Variants in C1orf21 observed in about 807,000 individuals in gnomAD.
C1orf21 encodes chromosome 1 open reading frame 21.
C1orf21 carries 3 observed loss-of-function variants against 18.7 expected under a neutral mutation model. That is an observed-to-expected ratio of 0.16 (90% CI 0.07 to 0.42). C1orf21 has a LOEUF of 0.42. Ranked by LOEUF, C1orf21 falls within the 10% of genes least tolerant of loss-of-function variation. The pLI is 0.99. For synonymous variants in C1orf21, 41 were observed against 46.4 expected (o/e 0.88, Z 0.47); for missense variants, 104 against 143.6 (o/e 0.72, Z 1.41).
Position 184,587,215 on chromosome 1 carries a change from G to A in C1orf21, c.190-3524G>A, listed in dbSNP as rs189197630. Among the ~76,000 whole-genome samples, 410 of 147,206 alleles carry A rather than the reference G, an allele frequency of 2.8e-3. 1 individual carries two copies. The highest frequency in any genetic ancestry group is 4.9e-3 in the Non-Finnish European group (328 of 67,374). On this transcript the variant is annotated intron_variant, in intron 3 of 5. Coordinates refer to ENST00000235307, the MANE Select transcript of C1orf21 (RefSeq NM_030806.4). ...GTAGCATAAAGTCAGGTAGTGTGATGCCTCCAGCTTTGTTCTTTTTCCTTA... is the reference window on the plus strand; with the variant it reads ...GTAGCATAAAGTCAGGTAGTGTGATACCTCCAGCTTTGTTCTTTTTCCTTA...
intron 3 of C1orf21, among the ~76,000 whole-genome samples, chr1:184,571,206 A>G (rs1659106242): frequency 6.8e-6 from 1 of 146,370 alleles, no homozygotes. Flanking sequence ...CTGAGGCAGG[A>G]GAATGGCGTG....
intron 1 of C1orf21, among the ~76,000 whole-genome samples, chr1:184,402,388 A>C (rs1398505254): frequency 6.6e-6 from 1 of 152,172 alleles, no homozygotes; most frequent in Non-Finnish European, 1.5e-5. Flanking sequence ...ATCTTTGGCT[A>C]GGCAGAAGGA....
intron 5 of C1orf21, among the ~76,000 whole-genome samples, chr1:184,600,074 G>A (rs1478597732): frequency 6.6e-6 from 1 of 152,292 alleles, no homozygotes; most frequent in Non-Finnish European, 1.5e-5. Context: ...GTAGTTAGGG[G>A]TAGATGGTAA....
At chr1:184,424,487 C>T (rs755177028) in intron 1 of C1orf21, among the ~76,000 whole-genome samples, 17 of 152,144 alleles carry the variant, frequency 1.1e-4, no homozygotes, top group Admixed American at 3.3e-4. Flanking sequence ...CCTTCCCAAA[C>T]GTTCTGTAAA....
intron 1 of C1orf21, among the ~76,000 whole-genome samples, chr1:184,405,498 A>G (rs1656229698): frequency 6.6e-6 from 1 of 152,142 alleles, no homozygotes; most frequent in African/African-American, 2.4e-5. Flanking sequence ...CCTGGCCCTA[A>G]AAATTCCTAT....
intron 1 of C1orf21, among the ~76,000 whole-genome samples, chr1:184,461,874 T>G (rs1055351849): frequency 6.6e-5 from 10 of 152,214 alleles, no homozygotes; most frequent in Admixed American, 2.6e-4. Context: ...ATTGTTATGC[T>G]GCTTTCCTAT....
intron 1 of C1orf21, among the ~76,000 whole-genome samples, chr1:184,415,632 A>G (rs903267772): frequency 6.6e-6 from 1 of 152,160 alleles, no homozygotes; most frequent in African/African-American, 2.4e-5. Context: ...AGAGAAAGGA[A>G]ATTATTGGAA....
chr1:184,602,068 T>A (rs1571297493), intron 5 of C1orf21, among the ~76,000 whole-genome samples: 1 of 152,192 alleles, frequency 6.6e-6, no homozygotes, highest in Non-Finnish European at 1.5e-5. Context: ...AAGTGAATTT[T>A]AAAAAAATCT....
chr1:184,619,680 A>G lies in C1orf21; in HGVS notation c.*124A>G, dbSNP rs540421236. ...CTATAGCAAAAGAAGATCGTTCCAT[A>G]TTGTACGCCCCATTAAATTACAGTG... On this transcript the variant is annotated 3_prime_UTR_variant, in exon 6 of 6. Transcript: ENST00000235307. 218 of 756,336 alleles carry G rather than the reference A, an allele frequency of 2.9e-4. No individual in the cohort carries two copies. Among genetic ancestry groups the G allele is most frequent in the Admixed American group, 5.4e-4 (19 of 35,126 alleles). 46.9% of individuals were successfully genotyped at this position (756,336 alleles called of 1,614,324 possible).
chr1:184,399,574 C>T (rs1656117159), intron 1 of C1orf21, among the ~76,000 whole-genome samples: 2 of 151,920 alleles, frequency 1.3e-5, no homozygotes, highest in South Asian at 2.1e-4. Context: ...AGGCTGGTCT[C>T]GAATTCATGA....
chr1:184,391,568 G>T (rs1655970768), intron 1 of C1orf21, among the ~76,000 whole-genome samples: 1 of 152,192 alleles, frequency 6.6e-6, no homozygotes, highest in Non-Finnish European at 1.5e-5. Context: ...AAATACATTA[G>T]ATGTGGACTT....
At chr1:184,425,672 G>A (rs74131671) in intron 1 of C1orf21, among the ~76,000 whole-genome samples, 19,570 of 152,112 alleles carry the variant, frequency 0.13, 2,570 homozygotes, top group African/African-American at 0.34. Flanking sequence ...TGCCAGGAAT[G>A]CTGCCCTTTC....
intron 1 of C1orf21, among the ~76,000 whole-genome samples, chr1:184,410,665 T>TTTA (rs1222897055): frequency 1.8e-4 from 3 of 16,516 alleles, no homozygotes; most frequent in African/African-American, 1.4e-3. Flanking sequence ...ATATATATAT[T>TTTA]TTTTTTTTTT....
At position 184,542,840 on chromosome 1, in the gene C1orf21, C is replaced by T. The variant is rs1179583410; in HGVS notation, c.189+35158C>T. ...TCACTTCAATGAGCCCAGAGTCCCT[C>T]ACTCTCCTGGCTTTTTGGAGACTGC... On this transcript the variant is annotated intron_variant, in intron 3 of 5. Coordinates refer to ENST00000235307, the MANE Select transcript of C1orf21 (RefSeq NM_030806.4). Among the ~76,000 whole-genome samples the T allele has an allele frequency of 2.6e-5, 4 of 152,224 alleles. No individual in the cohort carries two copies. In the East Asian group the frequency reaches 7.7e-4, roughly 29 times the overall value.
chr1:184,397,455 G>A (rs1245196232), intron 1 of C1orf21, among the ~76,000 whole-genome samples: 2 of 152,042 alleles, frequency 1.3e-5, no homozygotes, highest in Non-Finnish European at 2.9e-5. Context: ...GTGTGGTGGC[G>A]GGCGCCTGTA....
intron 2 of C1orf21, among the ~76,000 whole-genome samples, chr1:184,489,345 T>C (rs989189770): frequency 1.3e-5 from 2 of 152,116 alleles, no homozygotes; most frequent in Non-Finnish European, 2.9e-5. Flanking sequence ...CAGAAAGATA[T>C]TCTACTTCTC....
chr1:184,608,669 C>A (rs1659685525), intron 5 of C1orf21, among the ~76,000 whole-genome samples: 1 of 152,226 alleles, frequency 6.6e-6, no homozygotes, highest in Admixed American at 6.5e-5. Context: ...CCCAGCCTGT[C>A]ACGTGTCCTC....
At chr1:184,424,179 A>G (rs897348882) in intron 1 of C1orf21, among the ~76,000 whole-genome samples, 3 of 152,000 alleles carry the variant, frequency 2.0e-5, no homozygotes, top group Non-Finnish European at 4.4e-5. Context: ...TCATTTTTAC[A>G]AACCGTATCA....
At chr1:184,401,555 C>T (rs1656151983) in intron 1 of C1orf21, among the ~76,000 whole-genome samples, 1 of 151,922 alleles carries the variant, frequency 6.6e-6, no homozygotes, top group South Asian at 2.1e-4. Context: ...GGATAACATC[C>T]CTAATATTTG....
Sources: allele counts gnomAD v4.1 joint callset (sites outside exome capture counted in the v4.1 genomes callset), GRCh38; gene constraint gnomAD v4.1.1; transcripts MANE v1.5; gene names NCBI Gene and HGNC (gene_info 2026-07-23, HGNC 2026-07-21).